GOLT1A: variants seen among roughly 807,000 people sequenced by gnomAD.
The protein encoded by GOLT1A is golgi transport 1A, also known as vesicle transport protein GOT1A.
Under a neutral mutation model 16.1 loss-of-function variants are expected in GOLT1A, and 10 were observed. The ratio of observed to expected loss-of-function variants is 0.62; its 90% confidence interval spans 0.38 to 1.05. GOLT1A has a LOEUF of 1.05. Ranked by LOEUF, GOLT1A falls within the 50% of genes least tolerant of loss-of-function variation. The probability of loss-of-function intolerance (pLI) is 0.01; values close to 1 mark genes in which losing one functional copy is unlikely to be tolerated. For missense variants in GOLT1A, 137 were observed against 165.7 expected, an observed-to-expected ratio of 0.83 and a Z score of 0.95; for synonymous variants, 60 against 67.9, an observed-to-expected ratio of 0.88 and a Z score of 0.57.
At position 204,203,004 on chromosome 1, in the gene GOLT1A, G is replaced by A. The variant is rs1442081752; in HGVS notation, c.26-17C>T. 6.2e-7 allele frequency: 1 copy of A among 1,608,168 alleles called. No homozygotes were observed. The highest frequency in any genetic ancestry group is 8.5e-7 in the Non-Finnish European group (1 of 1,174,832). ...CACCAATCTCTGCAATGGGCAAGGA[G>A]GTGGTGGAGGAAAGGGCTTTGGGGA... is the stretch of plus-strand genomic sequence containing the variant. On this transcript the variant is annotated splice_polypyrimidine_tract_variant and intron_variant, in intron 1 of 4. Coordinates refer to ENST00000308302, the MANE Select transcript of GOLT1A (RefSeq NM_198447.2).
Position 204,201,820 on chromosome 1 carries a change from G to C in GOLT1A, c.118-9C>G, listed in dbSNP as rs779318040. Reference sequence around the variant, plus strand: ...CCCGTCAGGAACAGCAGCTGTAGGGGAGGGAGGGGAGCATGAAGCAAACCC... The same window carrying C: ...CCCGTCAGGAACAGCAGCTGTAGGGCAGGGAGGGGAGCATGAAGCAAACCC... On this transcript the variant is annotated splice_polypyrimidine_tract_variant and intron_variant, in intron 2 of 4. Transcript: ENST00000308302. The C allele has an allele frequency of 1.6e-5, 26 of 1,613,026 alleles. No homozygotes were observed. The South Asian group carries it at 2.9e-4, about 18-fold the overall frequency.
At chr1:204,200,564 G>A (rs899760810) in intron 3 of GOLT1A, among the ~76,000 whole-genome samples, 2 of 151,788 alleles carry the variant, frequency 1.3e-5, no homozygotes, top group African/African-American at 4.8e-5. Context: ...CTGACCTCAA[G>A]TGATCCGCCT....
At chr1:204,199,710 C>CG (rs1182163973) in intron 3 of GOLT1A, among the ~76,000 whole-genome samples, 1 of 152,142 alleles carries the variant, frequency 6.6e-6, no homozygotes, top group African/African-American at 2.4e-5. Flanking sequence ...CCCTGGGCGT[C>CG]GGGGGCTGTT....
intron 1 of GOLT1A, 41 bp downstream of exon 1, chr1:204,213,841 T>C (rs1219987257): frequency 1.2e-6 from 2 of 1,607,858 alleles, no homozygotes; most frequent in Non-Finnish European, 1.7e-6. Context: ...GCAGGGAGCC[T>C]GGCCTGGATA....
At chr1:204,201,920 A>G (rs1018572134) in intron 2 of GOLT1A, 109 bp from the exon 3 acceptor site, 6 of 977,554 alleles carry the variant, frequency 6.1e-6, no homozygotes, top group African/African-American at 4.9e-5. Context: ...CTAACTGTTC[A>G]AGACCATCTG....
chr1:204,199,898 G>T (rs1458167900), intron 3 of GOLT1A, among the ~76,000 whole-genome samples: 2 of 152,216 alleles, frequency 1.3e-5, no homozygotes, highest in Non-Finnish European at 2.9e-5. Flanking sequence ...AGGGATCCCG[G>T]TGTGTGGCGG....
At chr1:204,211,934 A>C (rs1446158218) in intron 1 of GOLT1A, among the ~76,000 whole-genome samples, 1 of 152,260 alleles carries the variant, frequency 6.6e-6, no homozygotes, top group South Asian at 2.1e-4. Flanking sequence ...CCAAAATGTC[A>C]ATAGTGGGGA....
intron 1 of GOLT1A, among the ~76,000 whole-genome samples, chr1:204,208,476 G>GTGTATATATATATATATATA (rs1286299770): frequency 7.5e-5 from 3 of 39,932 alleles, no homozygotes; most frequent in East Asian, 4.3e-4. Context: ...GTGTGTGTGT[G>GTGTATATATATATATATATA]TATATATATA....
At chr1:204,202,299 A>G (rs1243339100) in intron 2 of GOLT1A, among the ~76,000 whole-genome samples, 9 of 151,186 alleles carry the variant, frequency 6.0e-5, no homozygotes, top group Non-Finnish European at 2.9e-5. Context: ...GAATCCCTTA[A>G]GAGTGCCCAG....
chr1:204,198,584 G>A (rs1658900810), intron 4 of GOLT1A, 88 bp from the exon 5 acceptor site: 1 of 1,302,902 alleles, frequency 7.7e-7, no homozygotes, highest in Non-Finnish European at 1.1e-6. Context: ...TGAGAGCCAG[G>A]AGCTGTGCCA....
intron 3 of GOLT1A, among the ~76,000 whole-genome samples, chr1:204,199,991 T>C (rs1283988457): frequency 1.3e-5 from 2 of 152,132 alleles, no homozygotes; most frequent in East Asian, 3.9e-4. Flanking sequence ...TTCACTGCAC[T>C]CTGAGGTCCC....
At chr1:204,209,347 G>A (rs1376453382) in intron 1 of GOLT1A, among the ~76,000 whole-genome samples, 1 of 152,180 alleles carries the variant, frequency 6.6e-6, no homozygotes, top group Non-Finnish European at 1.5e-5. Flanking sequence ...TGCAGGGGAT[G>A]CTTTGCCTAT....
chr1:204,213,022 C>T (rs1170033518), intron 1 of GOLT1A, among the ~76,000 whole-genome samples: 1 of 152,128 alleles, frequency 6.6e-6, no homozygotes, highest in African/African-American at 2.4e-5. Context: ...GAAAAAAGAT[C>T]TGAATAAAGG....
rs1571671216 is a variant in GOLT1A, at chr1:204,199,400, G to A, written c.297-142C>T. ...GCTTGATTCTGCACTCCTGTGTTCC[G>A]AGAGACAGTCGAGTGACATGATTAA... On this transcript the variant is annotated intron_variant, in intron 3 of 4. Transcript: ENST00000308302. 8.8e-6 allele frequency: 6 copies of A among 682,334 alleles called. 1 individual carries two copies. Among genetic ancestry groups the A allele is most frequent in the South Asian group, 3.4e-5 (2 of 58,718 alleles). 42.3% of individuals were successfully genotyped at this position (682,334 alleles called of 1,614,324 possible).
At chr1:204,212,020 C>G (rs1226752980) in intron 1 of GOLT1A, among the ~76,000 whole-genome samples, 1 of 152,038 alleles carries the variant, frequency 6.6e-6, no homozygotes, top group Admixed American at 6.6e-5. Flanking sequence ...GCAGATTATT[C>G]CCACATTTCT....
At chr1:204,202,523 T>C (rs1262359923) in intron 2 of GOLT1A, among the ~76,000 whole-genome samples, 2 of 152,034 alleles carry the variant, frequency 1.3e-5, no homozygotes, top group Admixed American at 6.5e-5. Context: ...GTGTTTACCA[T>C]GGCCCCTGCC....
At position 204,198,418 on chromosome 1, in the gene GOLT1A, TCAAC is replaced by T. The variant is rs1466435367; in HGVS notation, c.*36_*39del. ...GGTTCCCATTCTCCCTCTAGCCCCC[TCAAC>T]CAATGATCCAAGTTCAAGGAGCTCA... On this transcript the variant is annotated 3_prime_UTR_variant, in exon 5 of 5. Coordinates refer to ENST00000308302, the MANE Select transcript of GOLT1A (RefSeq NM_198447.2). 1 of 1,602,854 alleles carries T rather than the reference TCAAC, an allele frequency of 6.2e-7. No homozygotes were observed. Among genetic ancestry groups the T allele is most frequent in the Non-Finnish European group, 8.5e-7 (1 of 1,170,328 alleles).
chr1:204,199,032 G>A (rs1036826091), intron 4 of GOLT1A, 163 bp downstream of exon 4: 37 of 620,952 alleles, frequency 6.0e-5, no homozygotes, highest in Admixed American at 2.5e-4. Flanking sequence ...GAGAAGGTGC[G>A]GGGGGAAGAG....
chr1:204,208,490 A>G (rs578150335), intron 1 of GOLT1A, among the ~76,000 whole-genome samples: 2 of 87,136 alleles, frequency 2.3e-5, no homozygotes, highest in African/African-American at 7.7e-5. Context: ...ATATATATAT[A>G]TATATATATA....
Sources: gnomAD v4.1 joint callset for allele counts (sites outside exome capture counted in the v4.1 genomes callset) on GRCh38, gnomAD v4.1.1 for gene constraint, MANE v1.5 for transcripts, NCBI Gene and HGNC (gene_info 2026-07-23, HGNC 2026-07-21) for gene names.